The following ABCA12 variants were observed in gnomAD, a reference collection of about 807,000 sequenced individuals.
ABCA12 encodes glucosylceramide transporter ABCA12.
A neutral mutation model predicts 293.5 loss-of-function variants in ABCA12; 156 were observed. The observed-to-expected ratio is 0.53, with a 90% CI of 0.47 to 0.61. The LOEUF is 0.61. Ranked by LOEUF, ABCA12 falls within the 20% of genes least tolerant of loss-of-function variation. The pLI, the probability that ABCA12 is intolerant of heterozygous loss-of-function variation, is 0.00. For missense variants in ABCA12, 2,797 were observed against 3,090.2 expected (o/e 0.91, Z 2.25); for synonymous variants, 1,063 against 1,108.0 (o/e 0.96, Z 0.81).
At chr2:214,947,884 A>G (rs561837375) in intron 47 of ABCA12, 1 of 339,900 alleles carries the variant, frequency 2.9e-6, no homozygotes, top group Non-Finnish European at 5.7e-6. Context: ...GAGCTGAAAC[A>G]GAATTCACAA....
intron 49 of ABCA12, among the ~76,000 whole-genome samples, chr2:214,944,272 C>T (rs1698504039): frequency 6.6e-6 from 1 of 151,890 alleles, no homozygotes; most frequent in Admixed American, 6.6e-5. Context: ...ATTAGCCGGG[C>T]ATGGTAGTGG....
At chr2:215,045,609 A>G (rs1701185606) in intron 7 of ABCA12, among the ~76,000 whole-genome samples, 1 of 152,198 alleles carries the variant, frequency 6.6e-6, no homozygotes, top group Non-Finnish European at 1.5e-5. Context: ...TACAACAGTT[A>G]GGATCAGTTC....
intron 7 of ABCA12, among the ~76,000 whole-genome samples, chr2:215,043,268 G>GT (rs1353954011): frequency 6.6e-6 from 1 of 151,918 alleles, no homozygotes; most frequent in Admixed American, 6.6e-5. Context: ...TGCATTATTT[G>GT]TTTTTTTGCT....
chr2:215,079,167 A>T (rs2106091893), intron 2 of ABCA12, among the ~76,000 whole-genome samples: 1 of 152,344 alleles, frequency 6.6e-6, no homozygotes, highest in Middle Eastern at 3.4e-3. Flanking sequence ...AGATACTAAA[A>T]TCGCAACCCT....
chr2:215,077,448 AT>A (rs762806085), intron 2 of ABCA12, among the ~76,000 whole-genome samples: 1 of 151,914 alleles, frequency 6.6e-6, no homozygotes, highest in South Asian at 2.1e-4. Flanking sequence ...CCTAGGTTTC[AT>A]TTTTTTACTC....
intron 1 of ABCA12, among the ~76,000 whole-genome samples, chr2:215,132,768 T>C (rs1325797829): frequency 6.6e-6 from 1 of 152,098 alleles, no homozygotes; most frequent in African/African-American, 2.4e-5. Context: ...GATTTTGTTC[T>C]TGATGTAATG....
At chr2:215,055,014 A>C (rs1271704617) in intron 3 of ABCA12, among the ~76,000 whole-genome samples, 2 of 152,118 alleles carry the variant, frequency 1.3e-5, no homozygotes, top group Non-Finnish European at 2.9e-5. Flanking sequence ...ATGAGAATCC[A>C]AGAGTGCTTT....
chr2:214,980,150 T>G (rs1479430282), intron 31 of ABCA12, among the ~76,000 whole-genome samples: 2 of 152,200 alleles, frequency 1.3e-5, no homozygotes, highest in Non-Finnish European at 2.9e-5. Context: ...ATCAGTAACC[T>G]TAAGATGTCA....
chr2:215,127,596 G>A (rs1702955285), intron 1 of ABCA12, among the ~76,000 whole-genome samples: 2 of 152,108 alleles, frequency 1.3e-5, no homozygotes, highest in Admixed American at 1.3e-4. Context: ...TGTTTTGTAT[G>A]ATGCAAGAAT....
At chr2:214,946,260 G>T (rs540580596) in intron 48 of ABCA12, among the ~76,000 whole-genome samples, 11 of 152,056 alleles carry the variant, frequency 7.2e-5, no homozygotes, top group Non-Finnish European at 1.0e-4. Context: ...AGAAATTAGT[G>T]TTAATTTGGG....
chr2:215,053,653 A>C (rs1701362489), intron 4 of ABCA12, among the ~76,000 whole-genome samples: 1 of 152,016 alleles, frequency 6.6e-6, no homozygotes, highest in African/African-American at 2.4e-5. Flanking sequence ...TACTTGCTCC[A>C]TCAACTTGCA....
chr2:215,067,568 T>C (rs984503057), intron 2 of ABCA12, among the ~76,000 whole-genome samples: 1 of 152,160 alleles, frequency 6.6e-6, no homozygotes, highest in Non-Finnish European at 1.5e-5. Context: ...AGAAAAGCTA[T>C]TGAAGAATCT....
intron 9 of ABCA12, among the ~76,000 whole-genome samples, chr2:215,030,566 T>C (rs549641455): frequency 2.6e-4 from 39 of 149,288 alleles, no homozygotes; most frequent in African/African-American, 7.7e-4. Flanking sequence ...ATGGCGCCAC[T>C]GCACTCCAGC....
chr2:215,038,066 T>A (rs1485166518), intron 7 of ABCA12, among the ~76,000 whole-genome samples: 2 of 152,142 alleles, frequency 1.3e-5, no homozygotes, highest in Non-Finnish European at 2.9e-5. Flanking sequence ...AAATTTAGAT[T>A]AAGATGATGT....
At chr2:215,111,189 G>T (rs892465035) in intron 2 of ABCA12, among the ~76,000 whole-genome samples, 1 of 152,194 alleles carries the variant, frequency 6.6e-6, no homozygotes, top group African/African-American at 2.4e-5. Flanking sequence ...AGAGAGAAGG[G>T]ATTTGTATAC....
At chr2:215,059,473 A>G (rs1447435122) in intron 3 of ABCA12, among the ~76,000 whole-genome samples, 1 of 152,038 alleles carries the variant, frequency 6.6e-6, no homozygotes, top group Non-Finnish European at 1.5e-5. Flanking sequence ...TATATCTCTT[A>G]TAAGTGGCCC....
rs114745764 is a variant in ABCA12 at position 215,009,640 on chromosome 2, G to A, written c.2472+691C>T. Among the ~76,000 whole-genome samples the A allele has an allele frequency of 3.3e-3, 497 of 152,070 alleles. 1 individual carries two copies. The highest frequency in any genetic ancestry group is 0.011 in the African/African-American group (465 of 41,514). On this transcript the variant is annotated intron_variant, in intron 18 of 52. Transcript: ENST00000272895. ...TGAATATTCTTTGATAATAATGATC[G>A]CTGTCCATTATTCTGTAGCATATAA...
At chr2:215,030,798 T>C (rs1404395241) in intron 9 of ABCA12, among the ~76,000 whole-genome samples, 2 of 152,156 alleles carry the variant, frequency 1.3e-5, no homozygotes, top group Admixed American at 1.3e-4. Context: ...GGAGAACTTC[T>C]CGTTAAATAA....
Position 214,958,292 on chromosome 2 carries a change from G to T in ABCA12, c.6102C>A (p.Asn2034Lys). The T allele has an allele frequency of 6.2e-7, 1 of 1,613,992 alleles. No homozygotes were observed. The highest frequency in any genetic ancestry group is 8.5e-7 in the Non-Finnish European group (1 of 1,179,856). ...GIGVTCYWVT[N>K]FIYDMVFYLV... ...AGTTACTCACCATGTCATAAATGAA[G>T]TTTGTTACCCAGTAGCATGTCACGC... is the stretch of plus-strand genomic sequence containing the variant. The change falls in exon 41 of 53, where the codon AAC (asparagine) becomes AAA (lysine). Residue 2034 changes from asparagine (N) to lysine (K), a missense_variant. Around this residue, in one of 3 missense-constraint regions of ABCA12, gnomAD observed 2,130 missense variants for 2,427.0 expected, o/e 0.88. Coordinates refer to ENST00000272895, the MANE Select transcript of ABCA12 (RefSeq NM_173076.3).
Sources: gnomAD v4.1 joint callset for allele counts (sites outside exome capture counted in the v4.1 genomes callset) on GRCh38, gnomAD v4.1.1 for gene constraint, gnomAD v4.1.1 regional missense constraint, MANE v1.5 for transcripts, NCBI Gene and HGNC (gene_info 2026-07-23, HGNC 2026-07-21) for gene names.